Variants in KHDRBS2 observed in about 807,000 individuals in gnomAD.
KHDRBS2 encodes KH domain-containing, RNA-binding, signal transduction-associated protein 2.
Under a neutral mutation model 44.3 loss-of-function variants are expected in KHDRBS2, and 26 were observed. The observed-to-expected ratio is 0.59, with a 90% confidence interval of 0.43 to 0.81. The LOEUF is 0.81. Among genes scored for constraint, KHDRBS2 ranks in the 40% least tolerant of loss-of-function variants. The probability of loss-of-function intolerance (pLI) is 0.00; values close to 1 mark genes in which losing one functional copy is unlikely to be tolerated. For missense variants in KHDRBS2, 476 were observed against 433.1 expected (o/e 1.10, Z -0.88); for synonymous variants, 194 against 151.1 (o/e 1.28, Z -2.08).
rs190217593 is a variant in KHDRBS2 at position 61,991,371 on chromosome 6, G to A, written c.337-13159C>T. Among the ~76,000 whole-genome samples the A allele has an allele frequency of 4.6e-5, 7 of 152,212 alleles. No individual in the cohort carries two copies. In the East Asian group the frequency reaches 9.7e-4, roughly 21 times the overall value. ...GCACGCTGAGTCTTAGGGTAGTTGG[G>A]TCCTGTTTTCTATTTCAAGAAGAGG... On this transcript the variant is annotated intron_variant, in intron 3 of 8. Transcript: ENST00000281156.
chr6:61,856,070 C>T (rs1380626976), intron 6 of KHDRBS2, among the ~76,000 whole-genome samples: 6 of 152,128 alleles, frequency 3.9e-5, no homozygotes, highest in African/African-American at 1.4e-4. Context: ...TTCCTAGTCT[C>T]ACTGTCTTTC....
At chr6:62,180,361 T>C (rs895027821) in intron 1 of KHDRBS2, among the ~76,000 whole-genome samples, 1 of 151,770 alleles carries the variant, frequency 6.6e-6, no homozygotes, top group African/African-American at 2.4e-5. Flanking sequence ...AAATATAAAA[T>C]CAACATCCAA....
chr6:62,238,052 CAAA>C lies in KHDRBS2; in HGVS notation c.91+47803_91+47805del, dbSNP rs398048582. On this transcript the variant is annotated intron_variant, in intron 1 of 8. Coordinates refer to ENST00000281156, the MANE Select transcript of KHDRBS2 (RefSeq NM_152688.4). ...TAGGCAACAGGGCAAGACTCTGTCTCAAAAAAAAAAAAAAAAAAATTGATATAG... is the reference window on the plus strand; with the variant it reads ...TAGGCAACAGGGCAAGACTCTGTCTCAAAAAAAAAAAAAAAATTGATATAG... Among the ~76,000 whole-genome samples the C allele has an allele frequency of 2.6e-3, 305 of 116,722 alleles. 1 individual carries two copies. Among genetic ancestry groups the C allele is most frequent in the Non-Finnish European group, 3.6e-3 (205 of 56,696 alleles). 76.6% of individuals were successfully genotyped at this position (116,722 alleles called of 152,430 possible). A position where few individuals can be genotyped will look rare whatever the true frequency, so the allele number is the denominator to read the frequency against.
chr6:61,880,885 G>T (rs1331426496), intron 6 of KHDRBS2, among the ~76,000 whole-genome samples: 4 of 151,908 alleles, frequency 2.6e-5, no homozygotes, highest in Non-Finnish European at 5.9e-5. Flanking sequence ...AAACTACTCT[G>T]ATAAATAAAG....
intron 1 of KHDRBS2, among the ~76,000 whole-genome samples, chr6:62,192,137 A>G (rs1824758640): frequency 6.6e-6 from 1 of 152,070 alleles, no homozygotes; most frequent in Non-Finnish European, 1.5e-5. Flanking sequence ...ATTTTATTCA[A>G]TATATCTGAT....
At chr6:62,182,410 C>G (rs1822506550) in intron 1 of KHDRBS2, among the ~76,000 whole-genome samples, 1 of 151,944 alleles carries the variant, frequency 6.6e-6, no homozygotes, top group African/African-American at 2.4e-5. Context: ...CTATAGTTAA[C>G]ATTACTGTAT....
intron 1 of KHDRBS2, among the ~76,000 whole-genome samples, chr6:62,214,101 T>A (rs1471834259): frequency 6.6e-6 from 1 of 152,138 alleles, no homozygotes; most frequent in African/African-American, 2.4e-5. Context: ...TCTCTCTGTA[T>A]GTTCAAATCT....
chr6:61,706,871 C>A (rs1268923461), intron 7 of KHDRBS2, among the ~76,000 whole-genome samples: 2 of 150,398 alleles, frequency 1.3e-5, no homozygotes, highest in Non-Finnish European at 3.0e-5. Context: ...ACACAGTGAA[C>A]AAAATAGGCA....
At chr6:62,183,510 A>C (rs904235467) in intron 1 of KHDRBS2, among the ~76,000 whole-genome samples, 7 of 151,566 alleles carry the variant, frequency 4.6e-5, no homozygotes, top group Non-Finnish European at 7.4e-5. Context: ...CCAGATATTT[A>C]TATTCCTAAA....
At position 61,955,247 on chromosome 6, in the gene KHDRBS2, T is replaced by C. The variant is rs376044963; in HGVS notation, c.483+22819A>G. On this transcript the variant is annotated intron_variant, in intron 4 of 8. Coordinates refer to ENST00000281156, the MANE Select transcript of KHDRBS2 (RefSeq NM_152688.4). ...ATATATACACATACGTATGTATGTA[T>C]ACATATATATGTATACATATACGTG... is the stretch of plus-strand genomic sequence containing the variant. Among the ~76,000 whole-genome samples, 7 of 146,050 alleles carry C rather than the reference T, an allele frequency of 4.8e-5. No homozygotes were observed. In the South Asian group the frequency reaches 1.1e-3, roughly 23 times the overall value.
chr6:61,950,333 A>G, intron 4 of KHDRBS2, among the ~76,000 whole-genome samples: 1 of 152,044 alleles, frequency 6.6e-6, no homozygotes, highest in East Asian at 1.9e-4. Context: ...TACTGATATC[A>G]CCAACTTCCT....
At chr6:62,124,620 C>CACACACAT (rs1554419844) in intron 2 of KHDRBS2, among the ~76,000 whole-genome samples, 21 of 150,044 alleles carry the variant, frequency 1.4e-4, no homozygotes, top group East Asian at 3.9e-4. Flanking sequence ...CACACACACA[C>CACACACAT]CACCTTTATC....
At chr6:62,079,295 T>C (rs1034988159) in intron 2 of KHDRBS2, among the ~76,000 whole-genome samples, 2 of 151,952 alleles carry the variant, frequency 1.3e-5, no homozygotes, top group African/African-American at 4.8e-5. Context: ...TTAATCTTTC[T>C]TGTGAAATAT....
intron 6 of KHDRBS2, among the ~76,000 whole-genome samples, chr6:61,802,557 CA>C (rs1786449888): frequency 6.6e-6 from 1 of 152,080 alleles, no homozygotes; most frequent in African/African-American, 2.4e-5. Context: ...AATCTGTACA[CA>C]ATAAGTTATA....
At chr6:61,728,258 G>C (rs1195322780) in intron 7 of KHDRBS2, among the ~76,000 whole-genome samples, 1 of 151,948 alleles carries the variant, frequency 6.6e-6, no homozygotes, top group Admixed American at 6.6e-5. Flanking sequence ...GGGACACACA[G>C]GGGGAGCAAG....
At chr6:62,268,644 C>T (rs751908413) in intron 1 of KHDRBS2, among the ~76,000 whole-genome samples, 3 of 151,892 alleles carry the variant, frequency 2.0e-5, no homozygotes, top group Non-Finnish European at 4.4e-5. Flanking sequence ...TAAGCTTACA[C>T]GGTCCTTTTT....
intron 2 of KHDRBS2, among the ~76,000 whole-genome samples, chr6:62,097,203 A>G (rs1201731793): frequency 6.6e-6 from 1 of 151,602 alleles, no homozygotes; most frequent in Non-Finnish European, 1.5e-5. Context: ...GCGTATTCTG[A>G]AGCTGTTGAG....
intron 3 of KHDRBS2, among the ~76,000 whole-genome samples, chr6:61,982,725 TA>T (rs1310538342): frequency 6.7e-6 from 1 of 149,894 alleles, no homozygotes; most frequent in Non-Finnish European, 1.5e-5. Context: ...TTTTCAGAAC[TA>T]TAGTGGAGAC....
intron 4 of KHDRBS2, among the ~76,000 whole-genome samples, chr6:61,937,740 C>G (rs1277833628): frequency 6.6e-6 from 1 of 152,020 alleles, no homozygotes; most frequent in African/African-American, 2.4e-5. Flanking sequence ...GGATTAGTAA[C>G]TCTTAGATAC....
Sources: gnomAD v4.1 joint callset for allele counts (sites outside exome capture counted in the v4.1 genomes callset) on GRCh38, gnomAD v4.1.1 for gene constraint, MANE v1.5 for transcripts, NCBI Gene and HGNC (gene_info 2026-07-23, HGNC 2026-07-21) for gene names.